Variants in RBBP8 observed in about 807,000 individuals in gnomAD.
RBBP8 encodes RB binding protein 8, endonuclease, also known as DNA endonuclease RBBP8.
A neutral mutation model predicts 108.3 loss-of-function variants in RBBP8; 88 were observed. The ratio of observed to expected loss-of-function variants is 0.81; its 90% CI spans 0.68 to 0.97. The LOEUF (loss-of-function observed/expected upper bound fraction) is 0.97. Ranked by LOEUF, RBBP8 falls within the 50% of genes least tolerant of loss-of-function variation. RBBP8 has a pLI of 0.00. For missense variants in RBBP8, 1,023 were observed against 1,049.0 expected (o/e 0.98, Z 0.34); for synonymous variants, 332 against 348.2 (o/e 0.95, Z 0.52).
intron 6 of RBBP8, among the ~76,000 whole-genome samples, chr18:22,976,833 C>T (rs538536783): frequency 7.9e-5 from 12 of 152,130 alleles, no homozygotes; most frequent in African/African-American, 2.6e-4. Flanking sequence ...ATTAGATAGA[C>T]GATTGCCTCA....
At chr18:22,963,285 T>C (rs1009593749) in intron 4 of RBBP8, among the ~76,000 whole-genome samples, 6 of 152,316 alleles carry the variant, frequency 3.9e-5, no homozygotes, top group Middle Eastern at 3.4e-3. Context: ...TCCTCCTATG[T>C]AGTGTATAAT....
At position 22,946,479 on chromosome 18, in the gene RBBP8, C is replaced by T. The variant is rs2144466117; in HGVS notation, c.145C>T (p.Arg49Ter). The T allele has an allele frequency of 3.7e-6, 6 of 1,612,426 alleles. No individual in the cohort carries two copies. The highest frequency in any genetic ancestry group is 1.7e-4 in the Middle Eastern group (1 of 6,000). The change falls in exon 3 of 19, where the codon CGA becomes TGA. Residue 49 changes from arginine to a stop codon, truncating the protein, a stop_gained. Transcript: ENST00000327155. LOFTEE classifies it high-confidence loss of function. The stretch of plus-strand genomic sequence containing the variant: ...AAAAGTAACCAAGCTAAAACAGGAA[C>T]GAATCTTGTAAGTATCAGTATGTAA... ...QVKVTKLKQERILDAQRLEEF... is the reference protein window; with the variant it reads ...QVKVTKLKQE
At chr18:22,957,596 TC>T (rs1265060115) in intron 4 of RBBP8, among the ~76,000 whole-genome samples, 1 of 152,330 alleles carries the variant, frequency 6.6e-6, no homozygotes, top group East Asian at 1.9e-4. Flanking sequence ...TGCCCTTTTT[TC>T]CCTTTACCTG....
At chr18:22,951,918 A>G (rs1219110065) in intron 4 of RBBP8, among the ~76,000 whole-genome samples, 7 of 152,214 alleles carry the variant, frequency 4.6e-5, no homozygotes, top group Non-Finnish European at 7.3e-5. Context: ...TTCTGTCACC[A>G]TGGAGTTGGG....
chr18:22,926,926 A>G (rs1909810354), intron 3 of RBBP8, among the ~76,000 whole-genome samples: 1 of 152,178 alleles, frequency 6.6e-6, no homozygotes, highest in Admixed American at 6.5e-5. Context: ...AAACTTCTCA[A>G]TCTGGAATCT....
intron 4 of RBBP8, among the ~76,000 whole-genome samples, chr18:22,960,754 A>C (rs1051566773): frequency 1.3e-5 from 2 of 152,206 alleles, no homozygotes; most frequent in Non-Finnish European, 2.9e-5. Context: ...AATTTTTTAT[A>C]ATGTAATTTT....
chr18:23,007,245 T>C (rs1454017292), intron 16 of RBBP8, among the ~76,000 whole-genome samples: 4 of 151,464 alleles, frequency 2.6e-5, no homozygotes, highest in East Asian at 2.0e-4. Flanking sequence ...GGTCTCGAAC[T>C]CCTGACCTCA....
At chr18:22,985,483 G>A (rs2144669852) in intron 8 of RBBP8, among the ~76,000 whole-genome samples, 1 of 152,270 alleles carries the variant, frequency 6.6e-6, no homozygotes, top group Non-Finnish European at 1.5e-5. Context: ...AGGGCACCCA[G>A]GCAGAGAAAT....
intron 9 of RBBP8, among the ~76,000 whole-genome samples, chr18:22,990,544 A>G (rs1915608532): frequency 6.6e-6 from 1 of 152,178 alleles, no homozygotes; most frequent in African/African-American, 2.4e-5. Context: ...TGAAATTAAC[A>G]TAACATAAAT....
chr18:23,022,637 TA>T (rs376205689), intron 18 of RBBP8, among the ~76,000 whole-genome samples: 2 of 78,040 alleles, frequency 2.6e-5, no homozygotes, highest in African/African-American at 5.1e-5. Flanking sequence ...TAAAATAAAA[TA>T]AATAAAATAC....
chr18:22,961,153 A>C (rs966794663), intron 4 of RBBP8, among the ~76,000 whole-genome samples: 65 of 152,250 alleles, frequency 4.3e-4, no homozygotes, highest in Non-Finnish European at 1.3e-4. Flanking sequence ...AGTAATCAGC[A>C]AGAAATAAGG....
At position 22,949,741 on chromosome 18, in the gene RBBP8, A is replaced by G. The variant is rs767298361; in HGVS notation, c.248+28A>G. The stretch of plus-strand genomic sequence containing the variant: ...GAGTCTGGCACTTAGGTCTTGAGTA[A>G]GAAGTGATTTCCTCCATAATAAGAA... On this transcript the variant is annotated intron_variant, in intron 4 of 18. Transcript: ENST00000327155. 8.1e-6 allele frequency: 12 copies of G among 1,476,116 alleles called. No individual in the cohort carries two copies. The Admixed American group carries it at 1.8e-4, about 23-fold the overall frequency. The allele number at this position is 1,476,116 out of a possible 1,614,324, so 91.4% of individuals were successfully genotyped here. A position where few individuals can be genotyped will look rare whatever the true frequency, so the allele number is the denominator to read the frequency against.
intron 16 of RBBP8, among the ~76,000 whole-genome samples, chr18:23,016,315 C>T (rs1337754817): frequency 1.3e-5 from 2 of 152,100 alleles, no homozygotes; most frequent in Admixed American, 6.6e-5. Context: ...GAGGCTGAGG[C>T]GGGCAGATCA....
chr18:22,974,388 G>A (rs1914347313), intron 5 of RBBP8, among the ~76,000 whole-genome samples: 1 of 152,172 alleles, frequency 6.6e-6, no homozygotes, highest in South Asian at 2.1e-4. Context: ...CCTAGAGTAT[G>A]ACTAAGAAGA....
chr18:22,998,275 G>A (rs1373329775), intron 14 of RBBP8, among the ~76,000 whole-genome samples: 1 of 152,174 alleles, frequency 6.6e-6, no homozygotes, highest in Non-Finnish European at 1.5e-5. Context: ...AGAAGTCTTA[G>A]TATAGTTTTA....
chr18:23,007,966 C>T (rs1056129062), intron 16 of RBBP8, among the ~76,000 whole-genome samples: 1 of 151,850 alleles, frequency 6.6e-6, no homozygotes, highest in Non-Finnish European at 1.5e-5. Flanking sequence ...GTGCCCACCA[C>T]AACACCTGGC....
At chr18:22,932,912 G>A (rs1029337365), upstream of RBBP8, among the ~76,000 whole-genome samples, 3 of 152,174 alleles carry the variant, frequency 2.0e-5, no homozygotes, top group Admixed American at 6.5e-5. Context: ...AACCCTGTCA[G>A]GTCACATCAC....
At chr18:22,921,903 TCA>T (rs1169916125) in intron 3 of RBBP8, among the ~76,000 whole-genome samples, 4 of 152,198 alleles carry the variant, frequency 2.6e-5, no homozygotes, top group African/African-American at 9.7e-5. Flanking sequence ...GTTTAAGTTT[TCA>T]CACTAGTAAA....
chr18:22,996,436 A>G lies in RBBP8; in HGVS notation c.2002A>G (p.Met668Val), dbSNP rs2045859924. 2 of 1,613,698 alleles carry G rather than the reference A, an allele frequency of 1.2e-6. No homozygotes were observed. Among genetic ancestry groups the G allele is most frequent in the African/African-American group, 1.3e-5 (1 of 75,040 alleles). Residue 668 changes from methionine (M) to valine (V), a missense_variant, in exon 13 of 19, where the codon ATG (methionine) becomes GTG (valine). Met to Val is a conservative substitution (Grantham distance 21). Coordinates refer to ENST00000327155, the MANE Select transcript of RBBP8 (RefSeq NM_002894.3). ...GGGAGCAGACCTTTCTCAGTATAAA[A>G]TGGATGTTACTGTAATAGATACAAA... ...DPGADLSQYK[M>V]DVTVIDTKDG... is the part of the protein sequence containing the mutation.
Sources: gnomAD v4.1 joint callset for allele counts (sites outside exome capture counted in the v4.1 genomes callset) on GRCh38, gnomAD v4.1.1 for gene constraint, MANE v1.5 for transcripts, NCBI Gene and HGNC (gene_info 2026-07-23, HGNC 2026-07-21) for gene names.